SDK1: variants seen among roughly 807,000 people sequenced by gnomAD.
SDK1 encodes the protein protein sidekick-1.
A neutral mutation model predicts 245.5 loss-of-function variants in SDK1; 157 were observed. The observed-to-expected ratio is 0.64, with a 90% CI of 0.56 to 0.73. SDK1 has a LOEUF of 0.73. Among genes scored for constraint, SDK1 ranks in the 30% least tolerant of loss-of-function variants. The pLI, the probability that SDK1 is intolerant of heterozygous loss-of-function variation, is 0.00. For synonymous variants in SDK1, 1,647 were observed against 1,278.5 expected, an observed-to-expected ratio of 1.29 and a Z score of -6.15; for missense variants, 3,583 against 3,002.3, an observed-to-expected ratio of 1.19 and a Z score of -4.52.
chr7:3,649,915 A>C (rs191177998), intron 4 of SDK1, among the ~76,000 whole-genome samples: 2 of 152,238 alleles, frequency 1.3e-5, no homozygotes, highest in East Asian at 1.9e-4. Flanking sequence ...TGCTAAACTG[A>C]AAGAGACTCT....
chr7:4,226,254 G>C (rs1451774225), intron 40 of SDK1, among the ~76,000 whole-genome samples: 1 of 152,222 alleles, frequency 6.6e-6, no homozygotes, highest in African/African-American at 2.4e-5. Flanking sequence ...GGCCCTCACC[G>C]CTGGGTATCT....
intron 1 of SDK1, among the ~76,000 whole-genome samples, chr7:3,607,788 A>G (rs1347273182): frequency 6.6e-6 from 1 of 152,236 alleles, no homozygotes; most frequent in Non-Finnish European, 1.5e-5. Flanking sequence ...TTCTGTGACA[A>G]CATGTTTTAA....
intron 5 of SDK1, among the ~76,000 whole-genome samples, chr7:3,858,210 G>T (rs956684787): frequency 2.0e-5 from 3 of 152,052 alleles, no homozygotes; most frequent in African/African-American, 7.2e-5. Flanking sequence ...GGTGAAAAGA[G>T]AAAATTGCTA....
intron 40 of SDK1, among the ~76,000 whole-genome samples, chr7:4,222,761 G>A (rs536353288): frequency 8.3e-4 from 127 of 152,302 alleles, no homozygotes; most frequent in Middle Eastern, 6.8e-3. Context: ...GAAACAGAGG[G>A]TCCTGAGTTG....
At chr7:4,028,931 A>G (rs1464427232) in intron 17 of SDK1, among the ~76,000 whole-genome samples, 1 of 152,186 alleles carries the variant, frequency 6.6e-6, no homozygotes, top group Non-Finnish European at 1.5e-5. Context: ...CTCCAGGTTC[A>G]TGTAAAAGGA....
At chr7:3,707,021 T>C (rs983083831) in intron 4 of SDK1, among the ~76,000 whole-genome samples, 6 of 152,192 alleles carry the variant, frequency 3.9e-5, no homozygotes, top group Non-Finnish European at 8.8e-5. Flanking sequence ...TTCATTGATA[T>C]TTTGTTTTTG....
rs530896124 is a variant in SDK1, at chr7:3,367,942, T to C, written c.298+66058T>C. 8.5e-5 allele frequency among the ~76,000 whole-genome samples: 13 copies of C among 152,338 alleles called. No homozygotes were observed. The South Asian group carries it at 1.5e-3, about 17-fold the overall frequency. ...CAGAACATTCTTAAATTTCCACTTA[T>C]TGCATGTTGATGGAGCTTGACTCTC... On this transcript the variant is annotated intron_variant, in intron 1 of 44. Coordinates refer to ENST00000404826, the MANE Select transcript of SDK1 (RefSeq NM_152744.4).
chr7:3,649,742 C>G (rs1317494400), intron 4 of SDK1, among the ~76,000 whole-genome samples: 1 of 152,116 alleles, frequency 6.6e-6, no homozygotes, highest in Non-Finnish European at 1.5e-5. Flanking sequence ...AGTTGGCCGG[C>G]GTGGGAGCCA....
rs973436821 is a variant in SDK1, at chr7:3,432,063, C to A, written c.298+130179C>A. ...GTCTCATAAAATTATGACAATAACT[C>A]AGTCAGTCTGTGTGAAATACTTTGT... On this transcript the variant is annotated intron_variant, in intron 1 of 44. Transcript: ENST00000404826. Among the ~76,000 whole-genome samples the A allele has an allele frequency of 2.7e-5, 4 of 150,314 alleles. No homozygotes were observed. The South Asian group carries it at 8.4e-4, about 31-fold the overall frequency.
chr7:3,751,917 T>G (rs1488490388), intron 4 of SDK1, among the ~76,000 whole-genome samples: 1 of 152,238 alleles, frequency 6.6e-6, no homozygotes, highest in African/African-American at 2.4e-5. Context: ...ATCTAATATT[T>G]TGAAACATTA....
chr7:3,358,532 G>C (rs1352428315), intron 1 of SDK1, among the ~76,000 whole-genome samples: 2 of 151,856 alleles, frequency 1.3e-5, no homozygotes, highest in Admixed American at 6.6e-5. Context: ...CCCAGAGTCA[G>C]CCATCATTAC....
chr7:3,854,852 T>C (rs1314695601), intron 5 of SDK1, among the ~76,000 whole-genome samples: 2 of 152,140 alleles, frequency 1.3e-5, no homozygotes, highest in African/African-American at 2.4e-5. Flanking sequence ...GGAATCGCTA[T>C]AGAGAACAGA....
At chr7:3,941,684 C>CGT (rs1388202015) in intron 5 of SDK1, among the ~76,000 whole-genome samples, 1 of 152,154 alleles carries the variant, frequency 6.6e-6, no homozygotes, top group Non-Finnish European at 1.5e-5. Context: ...CTTTGGCTTT[C>CGT]GTAGCTCCGC....
At chr7:3,709,077 C>G (rs1325102200) in intron 4 of SDK1, among the ~76,000 whole-genome samples, 1 of 152,212 alleles carries the variant, frequency 6.6e-6, no homozygotes, top group Non-Finnish European at 1.5e-5. Flanking sequence ...TGGTGCATAA[C>G]AACCTTTTGT....
At chr7:3,880,789 C>T (rs1237429888) in intron 5 of SDK1, among the ~76,000 whole-genome samples, 2 of 152,058 alleles carry the variant, frequency 1.3e-5, no homozygotes, top group Non-Finnish European at 2.9e-5. Flanking sequence ...CCAGAGGCTG[C>T]GGCTCGCACA....
intron 35 of SDK1, among the ~76,000 whole-genome samples, chr7:4,182,657 T>C (rs1307452147): frequency 1.3e-5 from 2 of 152,166 alleles, no homozygotes; most frequent in Non-Finnish European, 2.9e-5. Context: ...TCTGTCCCTG[T>C]AACAGCAGAT....
In SDK1 at chr7:3,723,804, G is replaced by T. The variant is rs190731421; in HGVS notation, c.713+81699G>T. ...TATACACGTACTTATACATATACAC[G>T]TGTATATACACGTACATATACATAT... is the stretch of plus-strand genomic sequence containing the variant. On this transcript the variant is annotated intron_variant, in intron 4 of 44. Coordinates refer to ENST00000404826, the MANE Select transcript of SDK1 (RefSeq NM_152744.4). Among the ~76,000 whole-genome samples the T allele has an allele frequency of 2.4e-3, 360 of 147,364 alleles. 1 individual carries two copies. Among genetic ancestry groups the T allele is most frequent in the African/African-American group, 8.7e-3 (342 of 39,192 alleles).
intron 1 of SDK1, among the ~76,000 whole-genome samples, chr7:3,402,460 A>G (rs1164241562): frequency 2.0e-5 from 3 of 152,230 alleles, no homozygotes; most frequent in Non-Finnish European, 4.4e-5. Context: ...TATTTCTATT[A>G]TGATTTTATG....
intron 22 of SDK1, among the ~76,000 whole-genome samples, chr7:4,107,860 A>G (rs544648910): frequency 1.3e-5 from 2 of 152,268 alleles, no homozygotes; most frequent in African/African-American, 4.8e-5. Flanking sequence ...GGAGGCCTGT[A>G]AGGTGTCGTG....
Sources: allele counts gnomAD v4.1 joint callset (sites outside exome capture counted in the v4.1 genomes callset), GRCh38; gene constraint gnomAD v4.1.1; transcripts MANE v1.5; gene names NCBI Gene and HGNC (gene_info 2026-07-23, HGNC 2026-07-21).